PLSCR4: variants seen among roughly 807,000 people sequenced by gnomAD.
PLSCR4 encodes phospholipid scramblase 4, also known as Ca(2+)-dependent phospholipid scramblase 4.
PLSCR4 carries 25 observed loss-of-function variants against 36.3 expected under a neutral mutation model. The observed-to-expected ratio is 0.69, with a 90% confidence interval of 0.50 to 0.96. PLSCR4 has a LOEUF of 0.96. PLSCR4 is among the 40% of genes least tolerant of loss of function. The pLI is 0.00. For synonymous variants in PLSCR4, 122 were observed against 132.9 expected, an observed-to-expected ratio of 0.92 and a Z score of 0.56; for missense variants, 408 against 414.7, an observed-to-expected ratio of 0.98 and a Z score of 0.14.
intron 1 of PLSCR4, 166 bp from the exon 2 acceptor site, chr3:146,222,258 G>A: frequency 2.8e-6 from 1 of 363,048 alleles, no homozygotes; most frequent in Non-Finnish European, 5.1e-6. Flanking sequence ...TTATGTACGA[G>A]GCACTAATAC....
chr3:146,199,168 G>A (rs1286642833), intron 6 of PLSCR4, among the ~76,000 whole-genome samples: 1 of 152,086 alleles, frequency 6.6e-6, no homozygotes, highest in Non-Finnish European at 1.5e-5. Context: ...GCTCAAACAG[G>A]TTAATTAAAT....
chr3:146,225,781 C>A (rs962030756), intron 1 of PLSCR4, among the ~76,000 whole-genome samples: 4 of 152,192 alleles, frequency 2.6e-5, no homozygotes, highest in Admixed American at 1.3e-4. Context: ...CCGCAAGCGC[C>A]GCACGCGGTT....
At chr3:146,247,700 G>A (rs2036392697) in intron 1 of PLSCR4, among the ~76,000 whole-genome samples, 1 of 152,082 alleles carries the variant, frequency 6.6e-6, no homozygotes, top group African/African-American at 2.4e-5. Context: ...ATGGCTCACT[G>A]CAGCCTTGAC....
At chr3:146,222,271 A>G (rs1036813729) in intron 1 of PLSCR4, 179 bp from the exon 2 acceptor site, 1 of 333,956 alleles carries the variant, frequency 3.0e-6, no homozygotes, top group African/African-American at 2.1e-5. Context: ...ACTAATACAG[A>G]TGTTGAGAGT....
chr3:146,196,461 A>T (rs1488835144), intron 7 of PLSCR4, 171 bp downstream of exon 7: 1 of 619,104 alleles, frequency 1.6e-6, no homozygotes, highest in African/African-American at 1.8e-5. Flanking sequence ...GGAAAACCTC[A>T]ATCTACTCAC....
At chr3:146,229,337 G>T (rs560166582) in intron 1 of PLSCR4, among the ~76,000 whole-genome samples, 4 of 152,020 alleles carry the variant, frequency 2.6e-5, no homozygotes, top group Admixed American at 6.6e-5. Context: ...TGACCTCCAG[G>T]GGGGTGGGGG....
chr3:146,221,253 T>A (rs9874112), intron 2 of PLSCR4, among the ~76,000 whole-genome samples: 52,979 of 151,822 alleles, frequency 0.35, 9,284 homozygotes, highest in Admixed American at 0.38. Context: ...GCAAAAATTA[T>A]TTTTCCCTTT....
intron 4 of PLSCR4, 62 bp downstream of exon 4, chr3:146,206,464 C>T: frequency 1.4e-5 from 17 of 1,251,260 alleles, no homozygotes; most frequent in Admixed American, 1.2e-4. Flanking sequence ...CTTTTTTTCT[C>T]TCTTTGTTGG....
intron 1 of PLSCR4, among the ~76,000 whole-genome samples, chr3:146,243,398 T>C (rs2036226856): frequency 6.6e-6 from 1 of 152,206 alleles, no homozygotes; most frequent in Non-Finnish European, 1.5e-5. Context: ...TTGTCATTTA[T>C]TCTTGAAAAC....
chr3:146,236,032 T>C (rs2035900355), intron 1 of PLSCR4, among the ~76,000 whole-genome samples: 1 of 152,018 alleles, frequency 6.6e-6, no homozygotes, highest in Non-Finnish European at 1.5e-5. Context: ...AACTGGAACT[T>C]ATATTTAAAA....
At chr3:146,216,048 T>C (rs1227720912) in intron 3 of PLSCR4, among the ~76,000 whole-genome samples, 1 of 152,076 alleles carries the variant, frequency 6.6e-6, no homozygotes, top group East Asian at 1.9e-4. Context: ...CTGGCCAACA[T>C]GGTGAAACCC....
chr3:146,213,333 C>CT (rs2034720581), intron 3 of PLSCR4, among the ~76,000 whole-genome samples: 1 of 101,054 alleles, frequency 9.9e-6, no homozygotes, highest in African/African-American at 3.2e-5. Flanking sequence ...AGTAAAATTT[C>CT]CTTTTTTTTT....
intron 3 of PLSCR4, among the ~76,000 whole-genome samples, chr3:146,207,936 A>T (rs1364833080): frequency 1.3e-5 from 2 of 152,104 alleles, no homozygotes; most frequent in Non-Finnish European, 2.9e-5. Context: ...ACAATCCTAA[A>T]ATTCATATGC....
chr3:146,246,768 T>C (rs1174045143), intron 1 of PLSCR4, among the ~76,000 whole-genome samples: 2 of 152,140 alleles, frequency 1.3e-5, no homozygotes, highest in African/African-American at 4.8e-5. Context: ...TACAGTTAAG[T>C]CACTTTGATA....
chr3:146,223,519 A>G (rs1206444888), intron 1 of PLSCR4, among the ~76,000 whole-genome samples: 1 of 152,210 alleles, frequency 6.6e-6, no homozygotes, highest in Non-Finnish European at 1.5e-5. Context: ...ATAAGAATAC[A>G]GTCATTTGCG....
At chr3:146,202,413 A>G (rs533594526) in intron 4 of PLSCR4, among the ~76,000 whole-genome samples, 1 of 152,164 alleles carries the variant, frequency 6.6e-6, no homozygotes, top group African/African-American at 2.4e-5. Context: ...AGTGTGTGTA[A>G]GAGTATTAAT....
intron 3 of PLSCR4, among the ~76,000 whole-genome samples, chr3:146,212,845 G>A (rs1301007747): frequency 6.6e-6 from 1 of 152,136 alleles, no homozygotes; most frequent in Non-Finnish European, 1.5e-5. Context: ...AATGTTTGGT[G>A]TGAGTTTTTC....
chr3:146,209,355 T>C (rs2034504730), intron 3 of PLSCR4, among the ~76,000 whole-genome samples: 1 of 151,900 alleles, frequency 6.6e-6, no homozygotes, highest in African/African-American at 2.4e-5. Context: ...TCTCACAAAA[T>C]ATCACCACTA....
chr3:146,215,060 T>C (rs2034830995), intron 3 of PLSCR4, among the ~76,000 whole-genome samples: 2 of 152,228 alleles, frequency 1.3e-5, no homozygotes, highest in South Asian at 4.1e-4. Context: ...TCAAAGTATG[T>C]TTTGTCTGAT....
Sources: allele counts gnomAD v4.1 joint callset (sites outside exome capture counted in the v4.1 genomes callset), GRCh38; gene constraint gnomAD v4.1.1; transcripts MANE v1.5; gene names NCBI Gene and HGNC (gene_info 2026-07-23, HGNC 2026-07-21).